MICU1: variants seen among roughly 807,000 people sequenced by gnomAD.
MICU1 encodes the protein mitochondrial calcium uptake 1.
A neutral mutation model predicts 56.8 loss-of-function variants in MICU1; 45 were observed. The observed-to-expected ratio is 0.79, with a 90% CI of 0.62 to 1.02. The LOEUF (loss-of-function observed/expected upper bound fraction) is 1.02. Ranked by LOEUF, MICU1 falls within the 50% of genes least tolerant of loss-of-function variation. The pLI, the probability that MICU1 is intolerant of heterozygous loss-of-function variation, is 0.00. For synonymous variants in MICU1, 186 were observed against 195.1 expected (o/e 0.95, Z 0.39); for missense variants, 504 against 587.1 (o/e 0.86, Z 1.46).
At chr10:72,496,229 G>C (rs1039240501) in intron 6 of MICU1, among the ~76,000 whole-genome samples, 7 of 151,870 alleles carry the variant, frequency 4.6e-5, no homozygotes, top group Admixed American at 4.6e-4. Flanking sequence ...CCAGGTTCAA[G>C]CAATTATTCT....
At chr10:72,581,993 G>A (rs147796630) in intron 1 of MICU1, among the ~76,000 whole-genome samples, 2 of 152,230 alleles carry the variant, frequency 1.3e-5, no homozygotes, top group East Asian at 3.9e-4. Flanking sequence ...GCAATGGCGC[G>A]ATCTCAGCTC....
chr10:72,557,417 C>T (rs1840185644), intron 3 of MICU1, among the ~76,000 whole-genome samples: 2 of 152,166 alleles, frequency 1.3e-5, no homozygotes, highest in African/African-American at 4.8e-5. Context: ...AAATTACTCC[C>T]ATTCACTGGA....
At chr10:72,606,391 G>A (rs1841692108) in intron 1 of MICU1, among the ~76,000 whole-genome samples, 1 of 151,748 alleles carries the variant, frequency 6.6e-6, no homozygotes, top group Admixed American at 6.6e-5. Flanking sequence ...GTGGACGTCT[G>A]TAATTCCAGC....
chr10:72,408,068 G>T, intron 9 of MICU1, 31 bp from the exon 10 acceptor site: 1 of 1,479,876 alleles, frequency 6.8e-7, no homozygotes, highest in Non-Finnish European at 9.4e-7. Context: ...AGGTAAGGCA[G>T]GACCTGTAAC....
chr10:72,577,307 C>T (rs914899271), intron 1 of MICU1, among the ~76,000 whole-genome samples: 13 of 151,842 alleles, frequency 8.6e-5, no homozygotes, highest in South Asian at 2.1e-4. Context: ...GTCAGAAGTT[C>T]GAGACCAGCC....
At chr10:72,612,820 G>C (rs1841886774) in intron 1 of MICU1, among the ~76,000 whole-genome samples, 1 of 151,372 alleles carries the variant, frequency 6.6e-6, no homozygotes, top group African/African-American at 2.4e-5. Context: ...AAAAAGTTGG[G>C]ATGCATAGGA....
At position 72,368,084 on chromosome 10, in the gene MICU1, G is replaced by T; in HGVS notation, c.*111C>A. On this transcript the variant is annotated 3_prime_UTR_variant, in exon 12 of 12. Transcript: ENST00000361114. ...ACCGACAGAGTCCTGAGGTCATCCC[G>T]GGAGGAAGGGGGACTACTTCCAGAA... 1.7e-6 allele frequency: 2 copies of T among 1,175,522 alleles called. No individual in the cohort carries two copies. The highest frequency in any genetic ancestry group is 1.5e-5 in the African/African-American group (1 of 64,704). 72.8% of individuals were successfully genotyped at this position (1,175,522 alleles called of 1,614,324 possible).
intron 9 of MICU1, among the ~76,000 whole-genome samples, chr10:72,419,011 C>T (rs1401124751): frequency 6.6e-6 from 1 of 152,194 alleles, no homozygotes; most frequent in Non-Finnish European, 1.5e-5. Context: ...CATTTTAGAG[C>T]TCTTTTGCAA....
intron 1 of MICU1, among the ~76,000 whole-genome samples, chr10:72,621,897 G>A (rs1394143467): frequency 6.6e-6 from 1 of 151,908 alleles, no homozygotes; most frequent in Admixed American, 6.6e-5. Context: ...ATTGCAAAAG[G>A]AAACCAAGTT....
intron 10 of MICU1, among the ~76,000 whole-genome samples, chr10:72,377,896 C>T (rs1357191446): frequency 1.3e-5 from 2 of 152,140 alleles, no homozygotes; most frequent in East Asian, 3.8e-4. Flanking sequence ...GCCTCTATCA[C>T]CTCCATATAT....
intron 8 of MICU1, among the ~76,000 whole-genome samples, chr10:72,470,337 A>G (rs975670435): frequency 2.0e-5 from 3 of 152,222 alleles, no homozygotes; most frequent in Non-Finnish European, 1.5e-5. Context: ...ATAAGAAGGT[A>G]CTTATTCTAC....
intron 10 of MICU1, among the ~76,000 whole-genome samples, chr10:72,401,405 G>A (rs1863451648): frequency 6.6e-6 from 1 of 152,202 alleles, no homozygotes; most frequent in Admixed American, 6.5e-5. Context: ...TGTAATCCTA[G>A]CACTTTGGGA....
chr10:72,562,333 T>C (rs553839554), intron 3 of MICU1, among the ~76,000 whole-genome samples: 11 of 152,056 alleles, frequency 7.2e-5, no homozygotes, highest in Non-Finnish European at 1.5e-4. Context: ...TTTGTATTTT[T>C]AGTAGAGACA....
rs138842151 is a variant in MICU1, at chr10:72,421,942, C to T, written c.1071+1292G>A. Among the ~76,000 whole-genome samples, 3 of 152,302 alleles carry T rather than the reference C, an allele frequency of 2.0e-5. No homozygotes were observed. In the East Asian group the frequency reaches 5.8e-4, roughly 29 times the overall value. Reference sequence around the variant, plus strand: ...CTCTCTGAGCTCAGCTCAGGCCACTCTCCTTTTTGCTCAGAACCTTCTATA... The same window carrying T: ...CTCTCTGAGCTCAGCTCAGGCCACTTTCCTTTTTGCTCAGAACCTTCTATA... On this transcript the variant is annotated intron_variant, in intron 9 of 11. Coordinates refer to ENST00000361114, the MANE Select transcript of MICU1 (RefSeq NM_001195518.2).
At chr10:72,485,317 ATCCTCCT>A (rs1866432156) in intron 6 of MICU1, among the ~76,000 whole-genome samples, 1 of 151,892 alleles carries the variant, frequency 6.6e-6, no homozygotes, top group Non-Finnish European at 1.5e-5. Flanking sequence ...GGCTCAAGTG[ATCCTCCT>A]TCCTCGACCT....
At chr10:72,374,808 CTTTTTTTTTTTTTTTTT>C (rs34228174) in intron 11 of MICU1, among the ~76,000 whole-genome samples, 1 of 77,206 alleles carries the variant, frequency 1.3e-5, no homozygotes, top group African/African-American at 5.2e-5. Context: ...CTACTATTAT[CTTTTTTTTTTTTTTTTT>C]TTTTTTTTTG....
chr10:72,585,134 C>A (rs1257797324), intron 1 of MICU1, among the ~76,000 whole-genome samples: 2 of 150,202 alleles, frequency 1.3e-5, no homozygotes, highest in Non-Finnish European at 3.0e-5. Flanking sequence ...GTCCCCCAGG[C>A]TGGCGTGCAG....
intron 1 of MICU1, among the ~76,000 whole-genome samples, chr10:72,585,940 TA>T (rs1841037726): frequency 6.6e-6 from 1 of 151,690 alleles, no homozygotes; most frequent in South Asian, 2.1e-4. Flanking sequence ...ACTACGTAAA[TA>T]GTTATTATAC....
At chr10:72,527,484 T>G (rs1047692045) in intron 5 of MICU1, among the ~76,000 whole-genome samples, 1 of 152,088 alleles carries the variant, frequency 6.6e-6, no homozygotes, top group Non-Finnish European at 1.5e-5. Flanking sequence ...GACCTTATCC[T>G]CCTGAGTAGC....
Sources: allele counts gnomAD v4.1 joint callset (sites outside exome capture counted in the v4.1 genomes callset), GRCh38; gene constraint gnomAD v4.1.1; transcripts MANE v1.5; gene names NCBI Gene and HGNC (gene_info 2026-07-23, HGNC 2026-07-21).